TERB1: variants seen among roughly 807,000 people sequenced by gnomAD.
The protein encoded by TERB1 is telomere repeats-binding bouquet formation protein 1.
Under a neutral mutation model 92.3 loss-of-function variants are expected in TERB1, and 63 were observed. The observed-to-expected ratio is 0.68, with a 90% CI of 0.56 to 0.84. TERB1 has a LOEUF of 0.84. Ranked by LOEUF, TERB1 falls within the 40% of genes least tolerant of loss-of-function variation. The pLI, the probability that TERB1 is intolerant of heterozygous loss-of-function variation, is 0.00. For missense variants in TERB1, 709 were observed against 843.7 expected (o/e 0.84, Z 1.98); for synonymous variants, 252 against 283.9 (o/e 0.89, Z 1.13).
Position 66,781,519 on chromosome 16 carries a change from C to CTTTT in TERB1, c.701-2508_701-2505dup, listed in dbSNP as rs34191078. ...GTTTACAAGTTTCTGGGTACAAATT[C>CTTTT]TTTTTTTTTTTTTTTTTTGAGACAG... On this transcript the variant is annotated intron_variant, in intron 9 of 18. Coordinates refer to ENST00000433154, the MANE Select transcript of TERB1 (RefSeq NM_001136505.2). 6.8e-3 allele frequency among the ~76,000 whole-genome samples: 827 copies of CTTTT among 121,118 alleles called. 31 individuals are homozygous for CTTTT. Among genetic ancestry groups the CTTTT allele is most frequent in the African/African-American group, 0.025 (778 of 31,614 alleles). 79.5% of individuals were successfully genotyped at this position (121,118 alleles called of 152,430 possible).
At chr16:66,795,088 T>A (rs376641617) in intron 3 of TERB1, among the ~76,000 whole-genome samples, 62 of 152,314 alleles carry the variant, frequency 4.1e-4, no homozygotes, top group African/African-American at 1.3e-3. Context: ...GGGCTTGTGT[T>A]CAGAACACAT....
chr16:66,786,259 T>C lies in TERB1; in HGVS notation c.427A>G (p.Thr143Ala). 2 of 1,549,442 alleles carry C rather than the reference T, an allele frequency of 1.3e-6. No individual in the cohort carries two copies. Among genetic ancestry groups the C allele is most frequent in the Non-Finnish European group, 8.7e-7 (1 of 1,145,998 alleles). Reference protein sequence around the residue: ...NRTGQTLVRETGCITVLSRLF... With the variant: ...NRTGQTLVREAGCITVLSRLF... ...CGTGACAGAACTGTAATACAACCTG[T>C]TTCTCTCACAAGTGTTTGTCCGGTC... The change falls in exon 7 of 19, where the codon ACA (threonine) becomes GCA (alanine). Residue 143 changes from threonine to alanine, a missense_variant. Coordinates refer to ENST00000433154, the MANE Select transcript of TERB1 (RefSeq NM_001136505.2).
At chr16:66,772,970 A>G (rs1025873390) in intron 12 of TERB1, among the ~76,000 whole-genome samples, 3 of 152,144 alleles carry the variant, frequency 2.0e-5, no homozygotes, top group Admixed American at 6.5e-5. Flanking sequence ...AGGAGAAAAA[A>G]CATGCAAATA....
intron 16 of TERB1, among the ~76,000 whole-genome samples, chr16:66,766,959 T>G (rs1825390642): frequency 6.6e-6 from 1 of 152,174 alleles, no homozygotes; most frequent in African/African-American, 2.4e-5. Flanking sequence ...GATATTAATT[T>G]GAATGCTTTG....
chr16:66,759,397 TATAA>T (rs2018192093), intron 16 of TERB1, 107 bp from the exon 17 acceptor site: 6 of 851,594 alleles, frequency 7.0e-6, no homozygotes, highest in Non-Finnish European at 1.1e-5. Context: ...AATCAGGAAC[TATAA>T]ACACCTCAAG....
rs1192118507 is a variant in TERB1, at chr16:66,778,786, TCTA to T, written c.853+74_853+76del. On this transcript the variant is annotated intron_variant, in intron 10 of 18. Coordinates refer to ENST00000433154, the MANE Select transcript of TERB1 (RefSeq NM_001136505.2). ...TAGTCTAAACCATGTTACTATTCAA[TCTA>T]CTATTTCAACACTCTTCATGCTATA... 1.6e-5 allele frequency: 19 copies of T among 1,171,670 alleles called. No individual in the cohort carries two copies. The African/African-American group carries it at 2.3e-4, about 14-fold the overall frequency. The allele number at this position is 1,171,670 out of a possible 1,614,324, so 72.6% of individuals were successfully genotyped here. A position where few individuals can be genotyped will look rare whatever the true frequency, so the allele number is the denominator to read the frequency against.
chr16:66,775,709 ATTTTT>A (rs201460994), intron 11 of TERB1, among the ~76,000 whole-genome samples: 2 of 129,602 alleles, frequency 1.5e-5, no homozygotes, highest in Admixed American at 8.0e-5. Flanking sequence ...TTTCAAAAGG[ATTTTT>A]TTTTTTTTTT....
At position 66,758,949 on chromosome 16, in the gene TERB1, T is replaced by C. The variant is rs546700685; in HGVS notation, c.1931-111A>G. ...CCCCCGTCTAGTGGGAATACTTAGA[T>C]AGATTAGGAAGAATTTTTAAACCAA... On this transcript the variant is annotated intron_variant, in intron 17 of 18. Transcript: ENST00000433154. The C allele has an allele frequency of 2.3e-5, 22 of 952,052 alleles. No homozygotes were observed. In the East Asian group the frequency reaches 5.9e-4, roughly 25 times the overall value. The allele number at this position is 952,052 out of a possible 1,614,324, so 59.0% of individuals were successfully genotyped here.
At chr16:66,774,361 A>G (rs1031189580) in intron 12 of TERB1, among the ~76,000 whole-genome samples, 3 of 150,218 alleles carry the variant, frequency 2.0e-5, no homozygotes, top group Non-Finnish European at 4.4e-5. Flanking sequence ...AATTTTTTGT[A>G]TTTTTAGTAG....
At chr16:66,765,600 G>A (rs1417341841) in intron 16 of TERB1, among the ~76,000 whole-genome samples, 1 of 151,432 alleles carries the variant, frequency 6.6e-6, no homozygotes, top group East Asian at 1.9e-4. Flanking sequence ...TGGGATTACT[G>A]GCTCATGCTG....
At chr16:66,788,416 TGATA>T in intron 5 of TERB1, 119 bp from the exon 6 acceptor site, 1 of 748,496 alleles carries the variant, frequency 1.3e-6, no homozygotes, top group Non-Finnish European at 2.0e-6. Flanking sequence ...CTCATTTAAT[TGATA>T]TTTATTAGTC....
At chr16:66,765,881 T>C (rs1190576525) in intron 16 of TERB1, among the ~76,000 whole-genome samples, 1 of 93,434 alleles carries the variant, frequency 1.1e-5, no homozygotes, top group African/African-American at 4.7e-5. Context: ...TTTTTTTTTT[T>C]TGAGACGGAG....
At chr16:66,787,461 C>G (rs2018748911) in intron 6 of TERB1, among the ~76,000 whole-genome samples, 1 of 151,942 alleles carries the variant, frequency 6.6e-6, no homozygotes, top group Non-Finnish European at 1.5e-5. Context: ...GAATTTCTAA[C>G]AGTTTGAAGA....
At chr16:66,796,045 G>A (rs983241320) in intron 3 of TERB1, among the ~76,000 whole-genome samples, 17 of 152,098 alleles carry the variant, frequency 1.1e-4, no homozygotes, top group South Asian at 4.1e-4. Flanking sequence ...CACCACACCC[G>A]GCTGATCATA....
At chr16:66,760,932 C>T (rs1234347451) in intron 16 of TERB1, among the ~76,000 whole-genome samples, 23 of 138,284 alleles carry the variant, frequency 1.7e-4, no homozygotes, top group African/African-American at 4.4e-4. Flanking sequence ...GCCAATATGG[C>T]GAAACCCCGT....
intron 18 of TERB1, among the ~76,000 whole-genome samples, chr16:66,757,812 G>A (rs989718243): frequency 1.3e-5 from 2 of 152,110 alleles, no homozygotes; most frequent in Non-Finnish European, 2.9e-5. Flanking sequence ...AGAAAATGAT[G>A]ATGTTATTTA....
intron 16 of TERB1, among the ~76,000 whole-genome samples, chr16:66,762,224 AATTATT>A (rs1306514169): frequency 1.3e-5 from 2 of 152,176 alleles, no homozygotes; most frequent in Non-Finnish European, 2.9e-5. Context: ...CAGCTTCAAT[AATTATT>A]AACTCATGGC....
chr16:66,774,608 C>T (rs2018513363), intron 12 of TERB1, among the ~76,000 whole-genome samples: 1 of 151,980 alleles, frequency 6.6e-6, no homozygotes, highest in South Asian at 2.1e-4. Context: ...ATCTATACTG[C>T]TGCTCTCTTC....
intron 11 of TERB1, 52 bp from the exon 12 acceptor site, chr16:66,775,295 T>C: frequency 6.9e-7 from 1 of 1,457,820 alleles, no homozygotes; most frequent in Non-Finnish European, 9.4e-7. Context: ...ACTATCTATA[T>C]GAGGTCATAA....
Sources: allele counts gnomAD v4.1 joint callset (sites outside exome capture counted in the v4.1 genomes callset), GRCh38; gene constraint gnomAD v4.1.1; transcripts MANE v1.5; gene names NCBI Gene and HGNC (gene_info 2026-07-23, HGNC 2026-07-21).